Variants in PCDH9 observed in about 807,000 individuals in gnomAD.
PCDH9 encodes the protein protocadherin 9, also known as protocadherin-9.
In PCDH9, 24 loss-of-function variants were observed where a neutral mutation model predicts 70.6. The observed-to-expected ratio is 0.34, with a 90% confidence interval of 0.25 to 0.48. PCDH9 has a LOEUF of 0.48. Among genes scored for constraint, PCDH9 ranks in the 20% least tolerant of loss-of-function variants. The pLI is 0.99. For synonymous variants in PCDH9, 562 were observed against 558.5 expected, an observed-to-expected ratio of 1.01 and a Z score of -0.09; for missense variants, 1,281 against 1,503.6, an observed-to-expected ratio of 0.85 and a Z score of 2.45.
intron 4 of PCDH9, among the ~76,000 whole-genome samples, chr13:66,506,078 T>C (rs1390712351): frequency 6.6e-6 from 1 of 152,204 alleles, no homozygotes; most frequent in Non-Finnish European, 1.5e-5. Flanking sequence ...AAATTGCTAA[T>C]ACTTCCTATG....
At chr13:66,926,830 C>G (rs571254123) in intron 2 of PCDH9, among the ~76,000 whole-genome samples, 1 of 151,424 alleles carries the variant, frequency 6.6e-6, no homozygotes, top group Non-Finnish European at 1.5e-5. Context: ...AGCTTACATT[C>G]TTTTAGGGGT....
At chr13:66,901,991 C>T (rs568051163) in intron 3 of PCDH9, among the ~76,000 whole-genome samples, 2 of 151,694 alleles carry the variant, frequency 1.3e-5, no homozygotes, top group East Asian at 1.9e-4. Flanking sequence ...GGGTTTTGTA[C>T]TATTTACCTT....
chr13:66,313,785 C>T (rs1422660015), intron 4 of PCDH9, among the ~76,000 whole-genome samples: 1 of 152,180 alleles, frequency 6.6e-6, no homozygotes, highest in Non-Finnish European at 1.5e-5. Context: ...AGCGTTTCCA[C>T]TTCTCACAAT....
chr13:67,096,246 T>C (rs2086317133), intron 2 of PCDH9, among the ~76,000 whole-genome samples: 1 of 152,154 alleles, frequency 6.6e-6, no homozygotes, highest in African/African-American at 2.4e-5. Context: ...CTTATCAGTT[T>C]ATGGTATTGC....
At chr13:66,454,146 T>G (rs536791305) in intron 4 of PCDH9, among the ~76,000 whole-genome samples, 2 of 152,122 alleles carry the variant, frequency 1.3e-5, no homozygotes, top group South Asian at 2.1e-4. Context: ...ATAAGACTTG[T>G]TTTTTTCTTT....
chr13:67,092,663 T>C (rs1246942329), intron 2 of PCDH9, among the ~76,000 whole-genome samples: 2 of 152,200 alleles, frequency 1.3e-5, no homozygotes, highest in East Asian at 1.9e-4. Context: ...TTTGCTAAAG[T>C]TGTCATCTCA....
At chr13:66,506,780 A>C (rs1160408683) in intron 4 of PCDH9, among the ~76,000 whole-genome samples, 1 of 152,242 alleles carries the variant, frequency 6.6e-6, no homozygotes, top group Non-Finnish European at 1.5e-5. Context: ...TTAGGTTTAG[A>C]CGCTCACATA....
chr13:66,520,411 G>C (rs1593613571), intron 4 of PCDH9, among the ~76,000 whole-genome samples: 1 of 152,302 alleles, frequency 6.6e-6, no homozygotes, highest in South Asian at 2.1e-4. Flanking sequence ...TACTGTGAGT[G>C]AGATAAGATT....
In PCDH9 at chr13:66,403,299, C is replaced by CT. The variant is rs977254749; in HGVS notation, c.3341-98272dup. ...GTACTACAGGCACCACCATGCCTGG[C>CT]TTTTTTTTTTGTTTTTTGTATTTTT... On this transcript the variant is annotated intron_variant, in intron 4 of 4. Coordinates refer to ENST00000377865, the MANE Select transcript of PCDH9 (RefSeq NM_203487.3). Among the ~76,000 whole-genome samples, 496 of 147,350 alleles carry CT rather than the reference C, an allele frequency of 3.4e-3. 2 individuals carry two copies. The highest frequency in any genetic ancestry group is 0.014 in the Middle Eastern group (4 of 290).
At chr13:66,754,829 T>G (rs562232730) in intron 3 of PCDH9, among the ~76,000 whole-genome samples, 3 of 152,198 alleles carry the variant, frequency 2.0e-5, no homozygotes, top group Non-Finnish European at 4.4e-5. Flanking sequence ...AGATATTACA[T>G]GCATACTATA....
chr13:66,526,804 T>A (rs993182125), intron 4 of PCDH9, among the ~76,000 whole-genome samples: 4 of 152,130 alleles, frequency 2.6e-5, no homozygotes, highest in Admixed American at 1.3e-4. Flanking sequence ...TTTAAGAAAA[T>A]AAGAACTCTG....
intron 3 of PCDH9, chr13:66,876,949 T>G (rs1346945906): frequency 6.6e-6 from 1 of 151,932 alleles, no homozygotes; most frequent in East Asian, 1.9e-4. Context: ...ACTATGAAAA[T>G]AATACCTATC....
At chr13:66,542,821 C>A (rs1315927302) in intron 4 of PCDH9, among the ~76,000 whole-genome samples, 1 of 147,564 alleles carries the variant, frequency 6.8e-6, no homozygotes, top group Admixed American at 6.8e-5. Flanking sequence ...ATATCTATCT[C>A]CCATTGGTTC....
At chr13:66,938,052 G>A (rs1256611683) in intron 2 of PCDH9, among the ~76,000 whole-genome samples, 1 of 152,106 alleles carries the variant, frequency 6.6e-6, no homozygotes, top group African/African-American at 2.4e-5. Flanking sequence ...ACACCACAGT[G>A]CTCTAAAAGG....
intron 4 of PCDH9, among the ~76,000 whole-genome samples, chr13:66,524,869 T>C (rs1477500816): frequency 2.0e-5 from 3 of 152,132 alleles, no homozygotes; most frequent in Non-Finnish European, 4.4e-5. Flanking sequence ...AATTTGTAGA[T>C]ACCTCTGCTA....
At chr13:66,840,608 G>A (rs972646200) in intron 3 of PCDH9, among the ~76,000 whole-genome samples, 1 of 152,186 alleles carries the variant, frequency 6.6e-6, no homozygotes, top group Non-Finnish European at 1.5e-5. Context: ...GACTTGTGCA[G>A]CAACAAAGCA....
intron 3 of PCDH9, among the ~76,000 whole-genome samples, chr13:66,835,426 T>A (rs1027827986): frequency 6.6e-6 from 1 of 152,154 alleles, no homozygotes; most frequent in African/African-American, 2.4e-5. Context: ...ATGGTGATGG[T>A]GATATGGCAA....
At chr13:67,154,732 T>C (rs1269535611) in intron 2 of PCDH9, among the ~76,000 whole-genome samples, 3 of 141,410 alleles carry the variant, frequency 2.1e-5, no homozygotes, top group Non-Finnish European at 3.0e-5. Context: ...TGAGACAGAG[T>C]CTCTGTCTGT....
chr13:66,960,071 T>A (rs1323874647), intron 2 of PCDH9, among the ~76,000 whole-genome samples: 1 of 152,170 alleles, frequency 6.6e-6, no homozygotes, highest in Non-Finnish European at 1.5e-5. Context: ...ATCTGAAAGC[T>A]TTGTTTGCAA....
Sources: gnomAD v4.1 joint callset for allele counts (sites outside exome capture counted in the v4.1 genomes callset) on GRCh38, gnomAD v4.1.1 for gene constraint, MANE v1.5 for transcripts, NCBI Gene and HGNC (gene_info 2026-07-23, HGNC 2026-07-21) for gene names.